The following UBE4B variants were observed in gnomAD, a reference collection of about 807,000 sequenced individuals.
The protein encoded by UBE4B is ubiquitin conjugation factor E4 B.
A neutral mutation model predicts 148.1 loss-of-function variants in UBE4B; 27 were observed. The observed-to-expected ratio is 0.18, with a 90% CI of 0.13 to 0.25. The LOEUF is 0.25. UBE4B is among the 10% of genes least tolerant of loss of function. The probability of loss-of-function intolerance (pLI) is 1.00; values close to 1 mark genes in which losing one functional copy is unlikely to be tolerated. For synonymous variants in UBE4B, 596 were observed against 619.3 expected, an observed-to-expected ratio of 0.96 and a Z score of 0.56; for missense variants, 1,170 against 1,662.4, an observed-to-expected ratio of 0.70 and a Z score of 5.15.
intron 2 of UBE4B, among the ~76,000 whole-genome samples, chr1:10,082,660 T>G (rs1350592355): frequency 6.7e-6 from 1 of 148,360 alleles, no homozygotes; most frequent in South Asian, 2.1e-4. Flanking sequence ...TTTTTTTTAC[T>G]TTAAGTTCTG....
rs1357461969 is a variant in UBE4B at position 10,132,462 on chromosome 1, A to G, written c.2005A>G (p.Met669Val). Residue 669 changes from methionine to valine, a missense_variant, in exon 15 of 28, where the codon ATG (methionine) becomes GTG (valine). Around this residue, in one of 6 missense-constraint regions of UBE4B, gnomAD observed 388 missense variants for 536.0 expected, o/e 0.72. Coordinates refer to ENST00000343090, the MANE Select transcript of UBE4B (RefSeq NM_001105562.3). Reference sequence around the variant, plus strand: ...CATGGCGGCTGTCGTCAATGCCAATATGAAGAAAGCACAGATGCAGGTAGG... The same window carrying G: ...CATGGCGGCTGTCGTCAATGCCAATGTGAAGAAAGCACAGATGCAGGTAGG... ...SYMAAVVNAN[M>V]KKAQMQTDDR... The G allele has an allele frequency of 1.9e-6, 3 of 1,614,028 alleles. No individual in the cohort carries two copies. Among genetic ancestry groups the G allele is most frequent in the East Asian group, 2.2e-5 (1 of 44,892 alleles).
chr1:10,140,276 A>G (rs1645764125), intron 17 of UBE4B, among the ~76,000 whole-genome samples: 2 of 152,232 alleles, frequency 1.3e-5, no homozygotes, highest in South Asian at 2.1e-4. Flanking sequence ...TTGTCTATGT[A>G]TCTTTTGTTA....
Position 10,144,960 on chromosome 1 carries a change from A to G in UBE4B, c.2384A>G (p.Asn795Ser). Residue 795 changes from asparagine (N) to serine (S), a missense_variant, in exon 18 of 28, where the codon AAT becomes AGT. By Grantham distance (46) the Asn-to-Ser change is conservative. Coordinates refer to ENST00000343090, the MANE Select transcript of UBE4B (RefSeq NM_001105562.3). The stretch of plus-strand genomic sequence containing the variant: ...TTCAGAACTGTAGAAGATTTGAAAA[A>G]TAATGAAAGCCAATGGAAAGATTCC... ...ELNRTVEDLK[N>S]NESQWKDSPL... 1 of 1,613,658 alleles carries G rather than the reference A, an allele frequency of 6.2e-7. No homozygotes were observed. The highest frequency in any genetic ancestry group is 8.5e-7 in the Non-Finnish European group (1 of 1,179,780).
Position 10,137,163 on chromosome 1 carries a change from G to T in UBE4B, c.2321G>T (p.Arg774Leu). Residue 774 changes from arginine (R) to leucine (L), a missense_variant, in exon 17 of 28, where the codon CGT becomes CTT. Transcript: ENST00000343090. ...AHHLSILPSC[R>L]RYIRRLRAIR... ...CACCTCTCTATTCTGCCTAGTTGCC[G>T]TCGCTATATCCGCAGACTCCGGGCT... 1 of 1,614,038 alleles carries T rather than the reference G, an allele frequency of 6.2e-7. No individual in the cohort carries two copies. Among genetic ancestry groups the T allele is most frequent in the South Asian group, 1.1e-5 (1 of 91,074 alleles).
Position 10,104,329 on chromosome 1 carries a change from A to G in UBE4B, c.581-1187A>G, listed in dbSNP as rs1270926554. On this transcript the variant is annotated intron_variant, in intron 5 of 27. Transcript: ENST00000343090. ...ATAGGGCACTATCCTTTTTCTTTAC[A>G]GTAGTCATTTGGAACGCAGAAGAGG... Among the ~76,000 whole-genome samples, 5 of 152,124 alleles carry G rather than the reference A, an allele frequency of 3.3e-5. No homozygotes were observed. The East Asian group carries it at 5.8e-4, about 18-fold the overall frequency.
intron 4 of UBE4B, among the ~76,000 whole-genome samples, chr1:10,101,498 CTTTTTTTTTTT>C (rs34066776): frequency 1.8e-5 from 1 of 56,166 alleles, no homozygotes; most frequent in Non-Finnish European, 3.3e-5. Context: ...TGGTCTTTTG[CTTTTTTTTTTT>C]TTTTTTTTTT....
chr1:10,155,078 AGAGAGAGTGTGTGTGTGT>A (rs938213780), intron 21 of UBE4B, among the ~76,000 whole-genome samples: 3 of 149,164 alleles, frequency 2.0e-5, no homozygotes, highest in African/African-American at 7.7e-5. Context: ...AGAGAGAGAG[AGAGAGAGTGTGTGTGTGT>A]GTGTGTGTGT....
At chr1:10,126,259 C>T (rs1193045064) in intron 10 of UBE4B, among the ~76,000 whole-genome samples, 3 of 151,982 alleles carry the variant, frequency 2.0e-5, no homozygotes, top group Non-Finnish European at 4.4e-5. Flanking sequence ...AAGACTGTGC[C>T]ATTGCACTCC....
At chr1:10,137,837 C>T (rs1645715287) in intron 17 of UBE4B, among the ~76,000 whole-genome samples, 1 of 148,410 alleles carries the variant, frequency 6.7e-6, no homozygotes, top group South Asian at 2.2e-4. Context: ...GCTTTTTGGT[C>T]TAGAACCTGC....
chr1:10,067,103 A>G (rs1644400019), intron 1 of UBE4B, among the ~76,000 whole-genome samples: 2 of 152,208 alleles, frequency 1.3e-5, no homozygotes, highest in Non-Finnish European at 2.9e-5. Context: ...ACAAACTGCT[A>G]AAAATAAGAG....
chr1:10,061,037 C>T (rs1427769031), intron 1 of UBE4B, among the ~76,000 whole-genome samples: 1 of 152,018 alleles, frequency 6.6e-6, no homozygotes, highest in Non-Finnish European at 1.5e-5. Flanking sequence ...TAAGCCACCG[C>T]AAGAGTTTGT....
chr1:10,119,539 G>A lies in UBE4B; in HGVS notation c.1365G>A (p.Gln455=), dbSNP rs376230427. The A allele has an allele frequency of 1.9e-6, 3 of 1,613,736 alleles. No individual in the cohort carries two copies. Among genetic ancestry groups the A allele is most frequent in the Non-Finnish European group, 2.5e-6 (3 of 1,179,742 alleles). Residue 455 remains glutamine, a synonymous_variant, in exon 9 of 28, where the codon CAG becomes CAA. Transcript: ENST00000343090. ...PKMCSQPAVS[Q]LLSNIRSQCI... Reference sequence around the variant, plus strand: ...TGTGCAGCCAGCCAGCAGTCAGCCAGCTTCTGAGCAACATCCGCTCACAGT... The same window carrying A: ...TGTGCAGCCAGCCAGCAGTCAGCCAACTTCTGAGCAACATCCGCTCACAGT...
intron 1 of UBE4B, among the ~76,000 whole-genome samples, chr1:10,067,116 A>G (rs749317021): frequency 3.9e-5 from 6 of 152,150 alleles, no homozygotes; most frequent in Non-Finnish European, 7.4e-5. Context: ...AATAAGAGGA[A>G]CAGTTTGGCC....
intron 1 of UBE4B, among the ~76,000 whole-genome samples, chr1:10,056,639 T>G (rs567811342): frequency 6.6e-6 from 1 of 152,316 alleles, no homozygotes; most frequent in South Asian, 2.1e-4. Flanking sequence ...TTTTGTCACT[T>G]TCTTATAAAT....
At chr1:10,155,389 C>G (rs890053114) in intron 21 of UBE4B, among the ~76,000 whole-genome samples, 3 of 152,308 alleles carry the variant, frequency 2.0e-5, no homozygotes, top group Non-Finnish European at 2.9e-5. Flanking sequence ...ATCCACTTTA[C>G]AAATGAGGAA....
intron 19 of UBE4B, 119 bp downstream of exon 19, chr1:10,147,209 T>C (rs186675774): frequency 4.2e-5 from 63 of 1,493,344 alleles, no homozygotes; most frequent in Non-Finnish European, 5.4e-5. Flanking sequence ...TTCACTTCTC[T>C]GCAAGGCGCA....
chr1:10,072,493 A>G (rs1484590208), intron 2 of UBE4B: 3 of 713,812 alleles, frequency 4.2e-6, no homozygotes, highest in Non-Finnish European at 7.8e-6. Context: ...ATTAAGACTG[A>G]ATTTGGTTCT....
chr1:10,086,671 C>T (rs1159676333), intron 2 of UBE4B, among the ~76,000 whole-genome samples: 2 of 151,928 alleles, frequency 1.3e-5, no homozygotes, highest in Non-Finnish European at 2.9e-5. Flanking sequence ...AGTCATTCAA[C>T]AGTGGTGGGA....
chr1:10,105,075 A>G (rs1645083339), intron 5 of UBE4B, among the ~76,000 whole-genome samples: 1 of 152,210 alleles, frequency 6.6e-6, no homozygotes, highest in African/African-American at 2.4e-5. Flanking sequence ...ATTACTATCT[A>G]TAAAACATAT....
Sources: allele counts gnomAD v4.1 joint callset (sites outside exome capture counted in the v4.1 genomes callset), GRCh38; gene constraint gnomAD v4.1.1; regional missense constraint gnomAD v4.1.1; transcripts MANE v1.5; gene names NCBI Gene and HGNC (gene_info 2026-07-23, HGNC 2026-07-21).